DIPK1A: variants seen among roughly 807,000 people sequenced by gnomAD.
The protein encoded by DIPK1A is family with sequence similarity 69 member A.
In DIPK1A, 27 loss-of-function variants were observed where a neutral mutation model predicts 40.8. The observed-to-expected ratio is 0.66, with a 90% CI of 0.49 to 0.91. The LOEUF is 0.91. Ranked by LOEUF, DIPK1A falls within the 40% of genes least tolerant of loss-of-function variation. DIPK1A has a pLI of 0.00. For missense variants in DIPK1A, 412 were observed against 505.7 expected (o/e 0.81, Z 1.78); for synonymous variants, 166 against 171.3 (o/e 0.97, Z 0.24).
At chr1:92,942,784 C>T (rs2100894450) in intron 1 of DIPK1A, among the ~76,000 whole-genome samples, 2 of 152,296 alleles carry the variant, frequency 1.3e-5, no homozygotes, top group Middle Eastern at 6.8e-3. Context: ...CTGCCTCAGA[C>T]TCCCGAGTAG....
chr1:92,863,523 A>C (rs1319238313), intron 2 of DIPK1A, among the ~76,000 whole-genome samples: 1 of 146,306 alleles, frequency 6.8e-6, no homozygotes, highest in African/African-American at 2.5e-5. Context: ...AATTGAAGCT[A>C]AGAGTTCAAG....
intron 3 of DIPK1A, 79 bp from the exon 4 acceptor site, chr1:92,847,438 C>T (rs1687678638): frequency 1.1e-6 from 1 of 895,166 alleles, no homozygotes; most frequent in Non-Finnish European, 1.6e-6. Flanking sequence ...TTTTTAGGGT[C>T]CTCCTCCTCT....
At chr1:92,837,511 C>T (rs1687175925), downstream of DIPK1A, 1 of 1,612,396 alleles carries the variant, frequency 6.2e-7, no homozygotes, top group Admixed American at 1.7e-5. Flanking sequence ...TGCAGAAGTA[C>T]ATCGGAAGCA....
At chr1:92,943,909 T>G (rs1340419708) in intron 1 of DIPK1A, among the ~76,000 whole-genome samples, 4 of 151,952 alleles carry the variant, frequency 2.6e-5, no homozygotes, top group African/African-American at 9.7e-5. Flanking sequence ...AAAGAAGAGC[T>G]AAGATAAACA....
At chr1:92,840,187 T>G (rs74401458), downstream of DIPK1A, 76 of 256,046 alleles carry the variant, frequency 3.0e-4, 2 homozygotes, top group East Asian at 7.9e-3. Context: ...GCTAATTAGT[T>G]TTTTTATGGA....
intron 1 of DIPK1A, among the ~76,000 whole-genome samples, chr1:92,908,559 G>A (rs1405320437): frequency 6.6e-6 from 1 of 152,148 alleles, no homozygotes; most frequent in Non-Finnish European, 1.5e-5. Context: ...AAGCCAGACT[G>A]GAGTAGGCTG....
chr1:92,846,704 C>A, intron 4 of DIPK1A: 1 of 254,384 alleles, frequency 3.9e-6, no homozygotes, highest in East Asian at 1.0e-4. Flanking sequence ...TCTTGGCTCA[C>A]TGCAACCTCG....
Position 92,842,175 on chromosome 1 carries a change from C to G in DIPK1A, c.*1208G>C. 9.7e-7 allele frequency: 1 copy of G among 1,028,766 alleles called. No individual in the cohort carries two copies. Among genetic ancestry groups the G allele is most frequent in the Non-Finnish European group, 1.2e-6 (1 of 855,712 alleles). 63.7% of individuals were successfully genotyped at this position (1,028,766 alleles called of 1,614,324 possible). On this transcript the variant is annotated 3_prime_UTR_variant, in exon 5 of 5. Transcript: ENST00000370310. ...CAACCATCAGTGGGAAATATTTCTT[C>G]CATCCATTTATTATAACCAGATGAT...
intron 1 of DIPK1A, among the ~76,000 whole-genome samples, chr1:92,880,206 A>G (rs545498341): frequency 1.9e-3 from 295 of 152,360 alleles, no homozygotes; most frequent in African/African-American, 7.0e-3. Context: ...ACAGTTACAC[A>G]ATAAAATGAA....
intron 2 of DIPK1A, among the ~76,000 whole-genome samples, chr1:92,858,155 C>T (rs1688050365): frequency 6.6e-6 from 1 of 152,192 alleles, no homozygotes; most frequent in Admixed American, 6.5e-5. Context: ...TGGGATCGGA[C>T]TTAAAGAGTG....
intron 1 of DIPK1A, among the ~76,000 whole-genome samples, chr1:92,905,868 A>T (rs916767954): frequency 6.6e-6 from 1 of 152,132 alleles, no homozygotes; most frequent in Admixed American, 6.5e-5. Flanking sequence ...AGGACCATTT[A>T]TTGAAGACAC....
At chr1:92,847,118 AG>A in intron 4 of DIPK1A, 64 bp downstream of exon 4, 1 of 998,952 alleles carries the variant, frequency 1.0e-6, no homozygotes, top group South Asian at 2.3e-5. Flanking sequence ...GCTTAGGATG[AG>A]GTCCTGCCAA....
intron 1 of DIPK1A, among the ~76,000 whole-genome samples, chr1:92,921,888 T>C (rs1208939389): frequency 6.6e-6 from 1 of 151,936 alleles, no homozygotes; most frequent in African/African-American, 2.4e-5. Flanking sequence ...GAATGTGCTC[T>C]AATTGTTTGC....
intron 2 of DIPK1A, among the ~76,000 whole-genome samples, chr1:92,872,712 T>G (rs1647931596): frequency 6.6e-6 from 1 of 152,212 alleles, no homozygotes; most frequent in Non-Finnish European, 1.5e-5. Flanking sequence ...GAGACTTGGT[T>G]GTAGCTCTGG....
chr1:92,944,621 A>C (rs182076939), intron 1 of DIPK1A, among the ~76,000 whole-genome samples: 20 of 152,210 alleles, frequency 1.3e-4, no homozygotes, highest in Non-Finnish European at 2.4e-4. Flanking sequence ...GGGTACAATA[A>C]AGGCAGTTTT....
At chr1:92,928,945 G>C (rs1418724245) in intron 1 of DIPK1A, among the ~76,000 whole-genome samples, 1 of 151,776 alleles carries the variant, frequency 6.6e-6, no homozygotes, top group Non-Finnish European at 1.5e-5. Flanking sequence ...CTGGGCAACA[G>C]AGTGAGACTC....
chr1:92,927,924 G>A (rs1347004050), intron 1 of DIPK1A, among the ~76,000 whole-genome samples: 1 of 152,198 alleles, frequency 6.6e-6, no homozygotes, highest in East Asian at 1.9e-4. Flanking sequence ...GAACATCCAT[G>A]TGTATGTTTT....
At chr1:92,902,238 G>C (rs1217761753) in intron 1 of DIPK1A, among the ~76,000 whole-genome samples, 1 of 152,206 alleles carries the variant, frequency 6.6e-6, no homozygotes, top group East Asian at 1.9e-4. Context: ...TTTCCCAAGA[G>C]ACAGGTTACT....
intron 1 of DIPK1A, among the ~76,000 whole-genome samples, chr1:92,919,046 G>T (rs1419607489): frequency 6.6e-6 from 1 of 152,200 alleles, no homozygotes. Flanking sequence ...CAGCCTGGGA[G>T]TTGGGAACCC....
Sources: gnomAD v4.1 joint callset for allele counts (sites outside exome capture counted in the v4.1 genomes callset) on GRCh38, gnomAD v4.1.1 for gene constraint, MANE v1.5 for transcripts, NCBI Gene and HGNC (gene_info 2026-07-23, HGNC 2026-07-21) for gene names.